Variants in CACNG8 observed in about 807,000 individuals in gnomAD.
CACNG8 encodes calcium voltage-gated channel auxiliary subunit gamma 8, also known as voltage-dependent calcium channel gamma-8 subunit.
A neutral mutation model predicts 26.9 loss-of-function variants in CACNG8; 5 were observed. That is an observed-to-expected ratio of 0.19 (90% CI 0.10 to 0.39). The LOEUF (loss-of-function observed/expected upper bound fraction) is 0.39. CACNG8 is among the 10% of genes least tolerant of loss of function. The pLI, the probability that CACNG8 is intolerant of heterozygous loss-of-function variation, is 1.00. For synonymous variants in CACNG8, 321 were observed against 296.7 expected (o/e 1.08, Z -0.84); for missense variants, 473 against 609.4 (o/e 0.78, Z 2.36).
chr19:53,978,453 G>A (rs1288318977), intron 2 of CACNG8, among the ~76,000 whole-genome samples: 1 of 152,136 alleles, frequency 6.6e-6, no homozygotes, highest in Non-Finnish European at 1.5e-5. Context: ...CGGGCTGAGG[G>A]AGGATCCTGG....
At chr19:53,964,233 C>T (rs1468621267) in intron 1 of CACNG8, among the ~76,000 whole-genome samples, 1 of 151,716 alleles carries the variant, frequency 6.6e-6, no homozygotes, top group East Asian at 1.9e-4. Flanking sequence ...TCTGAAGTCC[C>T]CTGCCTCTCC....
intron 3 of CACNG8, among the ~76,000 whole-genome samples, chr19:53,981,329 G>GT (rs1406781561): frequency 6.6e-6 from 1 of 151,890 alleles, no homozygotes; most frequent in Admixed American, 6.6e-5. Flanking sequence ...TCAAAGGTGG[G>GT]TTTTAGACCA....
At position 53,982,008 on chromosome 19, in the gene CACNG8, A is replaced by C; in HGVS notation, c.509-72A>C. 1 of 1,188,128 alleles carries C rather than the reference A, an allele frequency of 8.4e-7. No individual in the cohort carries two copies. Among genetic ancestry groups the C allele is most frequent in the Middle Eastern group, 3.0e-4 (1 of 3,302 alleles). The allele number at this position is 1,188,128 out of a possible 1,614,324, so 73.6% of individuals were successfully genotyped here. A position where few individuals can be genotyped will look rare whatever the true frequency, so the allele number is the denominator to read the frequency against. ...CCTGGGCCCGCTGGCGCAGGCGGGC[A>C]GGGGTCGGGGCCGGGGGCGGGGGCG... On this transcript the variant is annotated intron_variant, in intron 3 of 3. Transcript: ENST00000270458. The surrounding 1 kb of genome is among the most constrained non-coding windows in gnomAD (Gnocchi z 8.4).
chr19:53,981,839 CTG>C (rs2069370412), intron 3 of CACNG8, among the ~76,000 whole-genome samples: 1 of 152,158 alleles, frequency 6.6e-6, no homozygotes, highest in African/African-American at 2.4e-5. Flanking sequence ...CCGGAGCCCT[CTG>C]GGTTGGAGCT....
intron 1 of CACNG8, among the ~76,000 whole-genome samples, chr19:53,970,481 C>G (rs892324536): frequency 1.3e-5 from 2 of 149,812 alleles, no homozygotes; most frequent in Non-Finnish European, 3.0e-5. Flanking sequence ...AAAAATTAGT[C>G]GGGCGTAGTT....
intron 3 of CACNG8, among the ~76,000 whole-genome samples, chr19:53,981,216 CAG>C (rs1300082391): frequency 6.6e-6 from 1 of 152,168 alleles, no homozygotes; most frequent in Admixed American, 6.5e-5. Flanking sequence ...ACATCATTAA[CAG>C]AGTTCAAAGG....
chr19:53,982,880 C>T lies in CACNG8; in HGVS notation c.*31C>T. The T allele has an allele frequency of 2.4e-6, 3 of 1,235,316 alleles. No homozygotes were observed. The highest frequency in any genetic ancestry group is 7.5e-5 in the East Asian group (2 of 26,636). The allele number at this position is 1,235,316 out of a possible 1,614,324, so 76.5% of individuals were successfully genotyped here. A position where few individuals can be genotyped will look rare whatever the true frequency, so the allele number is the denominator to read the frequency against. On this transcript the variant is annotated 3_prime_UTR_variant, in exon 4 of 4. Transcript: ENST00000270458. The surrounding 1 kb of genome is among the most constrained non-coding windows in gnomAD (Gnocchi z 8.4). ...CGGCGGGGGAGCCGAGGGGCGTGTC[C>T]GGGGCGCGTGCGCGGGCGCGCGTGC...
rs1046316773 is a variant in CACNG8 at position 53,982,618 on chromosome 19, C to T, written c.1047C>T (p.Gly349=). 2 of 984,380 alleles carry T rather than the reference C, an allele frequency of 2.0e-6. No individual in the cohort carries two copies. Among genetic ancestry groups the T allele is most frequent in the East Asian group, 2.2e-4 (2 of 9,124 alleles). The allele number at this position is 984,380 out of a possible 1,614,324, so 61.0% of individuals were successfully genotyped here. The change falls in exon 4 of 4, where the codon GGC becomes GGT. Residue 349 remains glycine (G), a synonymous_variant. Coordinates refer to ENST00000270458, the MANE Select transcript of CACNG8 (RefSeq NM_031895.6). The surrounding 1 kb of genome is among the most constrained non-coding windows in gnomAD (Gnocchi z 8.4). ...GGGGCGCCGGGGGCGGCGGCGGAGG[C>T]GGCGGCGGGGCGGGTGCCGAGCGGG...
At chr19:53,977,988 C>G (rs2069339906) in intron 1 of CACNG8, among the ~76,000 whole-genome samples, 158 bp from the exon 2 acceptor site, 1 of 152,128 alleles carries the variant, frequency 6.6e-6, no homozygotes, top group African/African-American at 2.4e-5. Flanking sequence ...AAGTTTGTCC[C>G]ATATCACGAG....
chr19:53,980,577 G>A (rs968211998), intron 3 of CACNG8, among the ~76,000 whole-genome samples: 1 of 152,148 alleles, frequency 6.6e-6, no homozygotes, highest in African/African-American at 2.4e-5. Context: ...GCCCTTGCCC[G>A]TGGCCATTTG....
intron 1 of CACNG8, among the ~76,000 whole-genome samples, chr19:53,973,787 T>C (rs1308430760): frequency 1.3e-5 from 2 of 149,160 alleles, no homozygotes; most frequent in African/African-American, 2.5e-5. Context: ...AATCGAGCCA[T>C]TGCACTCCAG....
chr19:53,963,242 C>T lies in CACNG8; in HGVS notation c.100C>T (p.Leu34Phe), dbSNP rs776239494. 1 of 1,610,132 alleles carries T rather than the reference C, an allele frequency of 6.2e-7. No individual in the cohort carries two copies. The highest frequency in any genetic ancestry group is 8.5e-7 in the Non-Finnish European group (1 of 1,178,970). ...GGTGGGCGCCTTCGCCGCCTTCGGC[C>T]TCATGACCATCGCCATCAGCACTGA... The change falls in exon 1 of 4, where the codon CTC becomes TTC. Residue 34 changes from leucine (L) to phenylalanine (F), a missense_variant. This residue lies in a region of CACNG8 where 10 missense variants were observed against 34.7 expected (regional missense o/e 0.29). Transcript: ENST00000270458.
chr19:53,977,573 C>T (rs1372029771), intron 1 of CACNG8, among the ~76,000 whole-genome samples: 1 of 152,166 alleles, frequency 6.6e-6, no homozygotes, highest in Non-Finnish European at 1.5e-5. Context: ...CAGAAAGAGA[C>T]TGGAACCTCT....
In CACNG8 at chr19:53,989,066, G is replaced by A. The variant is rs2069424211; in HGVS notation, c.*6217G>A. On this transcript the variant is annotated 3_prime_UTR_variant, in exon 4 of 4. Transcript: ENST00000270458. Reference sequence around the variant, plus strand: ...GAGGATTGCTTGAGGCTTGGCGTTTGAGACCAGCCTGGGCAATATAGTAAG... The same window carrying A: ...GAGGATTGCTTGAGGCTTGGCGTTTAAGACCAGCCTGGGCAATATAGTAAG... The A allele has an allele frequency of 6.6e-6, 1 of 152,220 alleles. No homozygotes were observed. Among genetic ancestry groups the A allele is most frequent in the Non-Finnish European group, 1.5e-5 (1 of 68,074 alleles). The allele number at this position is 152,220 out of a possible 1,614,324, so 9.4% of individuals were successfully genotyped here. A position where few individuals can be genotyped will look rare whatever the true frequency, so the allele number is the denominator to read the frequency against.
intron 1 of CACNG8, among the ~76,000 whole-genome samples, chr19:53,976,163 G>T (rs998265249): frequency 6.6e-6 from 1 of 152,198 alleles, no homozygotes; most frequent in African/African-American, 2.4e-5. Flanking sequence ...TGGGCAAAGT[G>T]GGCAACATGG....
chr19:53,980,043 C>T (rs2145940571), intron 3 of CACNG8, 36 bp downstream of exon 3: 1 of 1,568,394 alleles, frequency 6.4e-7, no homozygotes, highest in African/African-American at 1.4e-5. Flanking sequence ...CGGGGCGGCC[C>T]ACCTGGGCGC....
chr19:53,985,386 G>C lies in CACNG8; in HGVS notation c.*2537G>C, dbSNP rs1371504793. The stretch of plus-strand genomic sequence containing the variant: ...TTTCTCTCCGAGGCCTGTGTGGAAG[G>C]ACCAGGAAGAGAGAGACTGAAGGTC... On this transcript the variant is annotated 3_prime_UTR_variant, in exon 4 of 4. Coordinates refer to ENST00000270458, the MANE Select transcript of CACNG8 (RefSeq NM_031895.6). 1 of 152,300 alleles carries C rather than the reference G, an allele frequency of 6.6e-6. No homozygotes were observed. Among genetic ancestry groups the C allele is most frequent in the Non-Finnish European group, 1.5e-5 (1 of 68,124 alleles). 9.4% of individuals were successfully genotyped at this position (152,300 alleles called of 1,614,324 possible).
At chr19:53,970,507 C>T (rs1302773913) in intron 1 of CACNG8, among the ~76,000 whole-genome samples, 1 of 150,158 alleles carries the variant, frequency 6.7e-6, no homozygotes, top group East Asian at 2.0e-4. Context: ...TGCTTGTAGT[C>T]CCAGCTACTG....
Position 53,982,055 on chromosome 19 carries a change from C to T in CACNG8, c.509-25C>T, listed in dbSNP as rs1427363554. The T allele has an allele frequency of 6.5e-6, 10 of 1,529,314 alleles. No homozygotes were observed. The Admixed American group carries it at 1.4e-4, about 22-fold the overall frequency. The allele number at this position is 1,529,314 out of a possible 1,614,324, so 94.7% of individuals were successfully genotyped here. ...GGCGGGGCCGGGGGTGGCCTCGAGG[C>T]TCCCGTCTGACCGTCCCCGCCCAGG... On this transcript the variant is annotated intron_variant, in intron 3 of 3. Coordinates refer to ENST00000270458, the MANE Select transcript of CACNG8 (RefSeq NM_031895.6). This position sits in a 1 kb window ranked among gnomAD's most constrained non-coding sequence, Gnocchi z 8.4.
Sources: allele counts gnomAD v4.1 joint callset (sites outside exome capture counted in the v4.1 genomes callset), GRCh38; gene constraint gnomAD v4.1.1; regional missense constraint gnomAD v4.1.1; non-coding constraint Gnocchi (gnomAD v3.1); transcripts MANE v1.5; gene names NCBI Gene and HGNC (gene_info 2026-07-23, HGNC 2026-07-21).